Variants in RALA observed in about 807,000 individuals in gnomAD.
RALA encodes the protein ras-related protein Ral-A.
RALA carries 5 observed loss-of-function variants against 24.0 expected under a neutral mutation model. The ratio of observed to expected loss-of-function variants is 0.21; its 90% CI spans 0.11 to 0.44. RALA has a LOEUF of 0.44. RALA is among the 20% of genes least tolerant of loss of function. RALA has a pLI of 0.99. For synonymous variants in RALA, 77 were observed against 83.8 expected (o/e 0.92, Z 0.44); for missense variants, 95 against 241.2 (o/e 0.39, Z 4.01).
At chr7:39,651,443 G>A (rs1792017040) in intron 1 of RALA, among the ~76,000 whole-genome samples, 1 of 152,190 alleles carries the variant, frequency 6.6e-6, no homozygotes, top group Non-Finnish European at 1.5e-5. Flanking sequence ...TCACCACACT[G>A]ATCCACTTGA....
chr7:39,698,096 G>A (rs1197384531), intron 4 of RALA, among the ~76,000 whole-genome samples: 1 of 152,052 alleles, frequency 6.6e-6, no homozygotes, highest in African/African-American at 2.4e-5. Flanking sequence ...TTCCTGATTT[G>A]CTGGATTTCC....
chr7:39,632,021 G>A (rs953127337), intron 1 of RALA, among the ~76,000 whole-genome samples: 13 of 152,120 alleles, frequency 8.5e-5, no homozygotes, highest in African/African-American at 3.1e-4. Context: ...GAGAGGAGGA[G>A]GTTCTGGGCT....
intron 1 of RALA, among the ~76,000 whole-genome samples, chr7:39,664,684 A>G (rs1466578370): frequency 6.6e-6 from 1 of 152,208 alleles, no homozygotes; most frequent in Non-Finnish European, 1.5e-5. Flanking sequence ...AAGCTGTGAA[A>G]GCCATTAAGC....
chr7:39,675,245 GGT>G (rs1421488193), intron 1 of RALA, among the ~76,000 whole-genome samples: 1 of 152,170 alleles, frequency 6.6e-6, no homozygotes, highest in Non-Finnish European at 1.5e-5. Context: ...GAGCTAGCAG[GGT>G]CCTGGGGATG....
At chr7:39,646,205 A>T (rs1349949211) in intron 1 of RALA, among the ~76,000 whole-genome samples, 2 of 152,180 alleles carry the variant, frequency 1.3e-5, no homozygotes, top group African/African-American at 2.4e-5. Flanking sequence ...AGGTGGGAGG[A>T]TCACTTGAGC....
At chr7:39,698,076 G>A (rs1451031857) in intron 4 of RALA, among the ~76,000 whole-genome samples, 1 of 152,108 alleles carries the variant, frequency 6.6e-6, no homozygotes, top group Non-Finnish European at 1.5e-5. Context: ...TGATTCTGGA[G>A]AGGGCTTTCT....
intron 1 of RALA, among the ~76,000 whole-genome samples, chr7:39,648,042 A>G (rs775383048): frequency 3.3e-5 from 5 of 152,194 alleles, no homozygotes; most frequent in Non-Finnish European, 7.3e-5. Context: ...TATATGGTAT[A>G]ACATTTTTCT....
rs754351390 is a variant in RALA, at chr7:39,701,395, C to T, written c.498+4536C>T. The stretch of plus-strand genomic sequence containing the variant: ...GTGTGGTGGCGAATGTCTGTAGTCA[C>T]AGTTACTTGGGAGGCTGAGACAGGA... On this transcript the variant is annotated intron_variant, in intron 4 of 4. Transcript: ENST00000005257. Among the ~76,000 whole-genome samples, 10 of 152,300 alleles carry T rather than the reference C, an allele frequency of 6.6e-5. 1 individual carries two copies. In the Middle Eastern group the frequency reaches 0.01, roughly 155 times the overall value.
At chr7:39,647,494 T>C (rs1237789075) in intron 1 of RALA, among the ~76,000 whole-genome samples, 2 of 152,238 alleles carry the variant, frequency 1.3e-5, no homozygotes, top group East Asian at 3.8e-4. Flanking sequence ...TTTGAAACAA[T>C]GTAGGTCTGG....
chr7:39,644,478 A>T (rs1791892016), intron 1 of RALA, among the ~76,000 whole-genome samples: 1 of 152,152 alleles, frequency 6.6e-6, no homozygotes, highest in African/African-American at 2.4e-5. Context: ...CCTGAGTGAA[A>T]CATAGTTTAA....
chr7:39,633,296 C>CTCACAGTTCCACATGGCTGGGG, intron 1 of RALA, among the ~76,000 whole-genome samples: 1 of 152,152 alleles, frequency 6.6e-6, no homozygotes, highest in African/African-American at 2.4e-5. Context: ...GTTTAATTAA[C>CTCACAGTTCCACATGGCTGGGG]TCACAGTTCC....
chr7:39,635,781 C>G (rs141518845), intron 1 of RALA, among the ~76,000 whole-genome samples: 2,190 of 152,284 alleles, frequency 0.014, 42 homozygotes, highest in African/African-American at 0.048. Context: ...CACCACTGAT[C>G]TGACAGGAGG....
intron 1 of RALA, among the ~76,000 whole-genome samples, chr7:39,672,355 C>G (rs957427261): frequency 2.6e-5 from 4 of 152,170 alleles, no homozygotes; most frequent in Non-Finnish European, 5.9e-5. Flanking sequence ...GGAAATACCA[C>G]TACACATTCA....
intron 1 of RALA, among the ~76,000 whole-genome samples, chr7:39,641,341 G>A (rs1791813166): frequency 6.6e-6 from 1 of 152,010 alleles, no homozygotes; most frequent in African/African-American, 2.4e-5. Context: ...TTTTCATATT[G>A]AAACAAACAT....
At chr7:39,699,121 A>ATT (rs71560137) in intron 4 of RALA, among the ~76,000 whole-genome samples, 2,496 of 61,342 alleles carry the variant, frequency 0.041, 574 homozygotes, top group African/African-American at 0.045. Context: ...TAAAAATGTT[A>ATT]TTTTTTTTTT....
chr7:39,683,872 CAA>C lies in RALA; in HGVS notation c.-37-2758_-37-2757del, dbSNP rs1491184409. Among the ~76,000 whole-genome samples the C allele has an allele frequency of 6.2e-4, 91 of 147,206 alleles. 2 individuals carry two copies. The South Asian group carries it at 0.02, about 32-fold the overall frequency. ...ACACACACACACACACACACACACA[CAA>C]CTCTTAGAGTATTAATTGATATGGT... On this transcript the variant is annotated intron_variant, in intron 1 of 4. Transcript: ENST00000005257.
intron 1 of RALA, among the ~76,000 whole-genome samples, chr7:39,633,039 C>T (rs1180077074): frequency 6.6e-6 from 1 of 152,164 alleles, no homozygotes; most frequent in Non-Finnish European, 1.5e-5. Context: ...ATAGATGCCA[C>T]AGGGTGACCT....
At chr7:39,645,417 A>G (rs1249641260) in intron 1 of RALA, among the ~76,000 whole-genome samples, 1 of 152,234 alleles carries the variant, frequency 6.6e-6, no homozygotes, top group Non-Finnish European at 1.5e-5. Context: ...CTTAATTCTT[A>G]AACTGGGACA....
intron 1 of RALA, among the ~76,000 whole-genome samples, chr7:39,650,024 CAGTG>C (rs1791993988): frequency 6.6e-6 from 1 of 152,046 alleles, no homozygotes; most frequent in African/African-American, 2.4e-5. Context: ...GAATTGGAGA[CAGTG>C]AGTTTGAGAA....
Sources: gnomAD v4.1 joint callset for allele counts (sites outside exome capture counted in the v4.1 genomes callset) on GRCh38, gnomAD v4.1.1 for gene constraint, MANE v1.5 for transcripts, NCBI Gene and HGNC (gene_info 2026-07-23, HGNC 2026-07-21) for gene names.